PTPRG: variants seen among roughly 807,000 people sequenced by gnomAD.
PTPRG encodes the protein receptor-type tyrosine-protein phosphatase gamma.
In PTPRG, 102 loss-of-function variants were observed where a neutral mutation model predicts 165.3. The ratio of observed to expected loss-of-function variants is 0.62; its 90% CI spans 0.53 to 0.73. PTPRG has a LOEUF of 0.73. Among genes scored for constraint, PTPRG ranks in the 30% least tolerant of loss-of-function variants. The probability of loss-of-function intolerance (pLI) is 0.00; values close to 1 mark genes in which losing one functional copy is unlikely to be tolerated. For synonymous variants in PTPRG, 675 were observed against 669.5 expected, an observed-to-expected ratio of 1.01 and a Z score of -0.13; for missense variants, 1,866 against 1,861.4, an observed-to-expected ratio of 1.00 and a Z score of -0.05.
chr3:61,782,901 C>T (rs538895188), intron 2 of PTPRG, among the ~76,000 whole-genome samples: 1 of 152,128 alleles, frequency 6.6e-6, no homozygotes, highest in Non-Finnish European at 1.5e-5. Flanking sequence ...CTCCTGGGCT[C>T]AAGTGATCCT....
At chr3:61,837,488 C>T (rs1029052396) in intron 2 of PTPRG, among the ~76,000 whole-genome samples, 5 of 152,178 alleles carry the variant, frequency 3.3e-5, no homozygotes, top group South Asian at 2.1e-4. Flanking sequence ...GCTGAATGTT[C>T]GGCATGCAGG....
rs1278889928 is a variant in PTPRG, at chr3:62,089,535, A to G, written c.615+11277A>G. ...CCTGCCTTTTAACTTGCCATAGGTC[A>G]GAATCTCAATGTGATATAGTAAAAG... On this transcript the variant is annotated intron_variant, in intron 5 of 29. Coordinates refer to ENST00000474889, the MANE Select transcript of PTPRG (RefSeq NM_002841.4). 2.0e-5 allele frequency among the ~76,000 whole-genome samples: 3 copies of G among 152,252 alleles called. No homozygotes were observed. The East Asian group carries it at 5.8e-4, about 29-fold the overall frequency.
intron 2 of PTPRG, among the ~76,000 whole-genome samples, chr3:61,781,920 G>A (rs1244271524): frequency 6.9e-6 from 1 of 144,202 alleles, no homozygotes; most frequent in African/African-American, 2.6e-5. Context: ...TGGTAGAGAT[G>A]GGATACTACT....
At chr3:62,236,454 G>A (rs1576166172) in intron 14 of PTPRG, among the ~76,000 whole-genome samples, 1 of 152,308 alleles carries the variant, frequency 6.6e-6, no homozygotes, top group South Asian at 2.1e-4. Flanking sequence ...TACAAAAGTA[G>A]ATATTAATGC....
intron 1 of PTPRG, among the ~76,000 whole-genome samples, chr3:61,579,409 G>T (rs766902953): frequency 5.3e-5 from 8 of 152,166 alleles, no homozygotes; most frequent in African/African-American, 1.9e-4. Flanking sequence ...CTGCTATTCC[G>T]ACACGTGTTT....
At chr3:62,026,803 T>C (rs2041814138) in intron 4 of PTPRG, among the ~76,000 whole-genome samples, 1 of 146,716 alleles carries the variant, frequency 6.8e-6, no homozygotes. Context: ...GGAGAATCGC[T>C]TGAACCCGGG....
Position 61,674,906 on chromosome 3 carries a change from G to C in PTPRG, c.86-73972G>C, listed in dbSNP as rs116254718. On this transcript the variant is annotated intron_variant, in intron 1 of 29. Transcript: ENST00000474889. ...TTTCCTAGTGCATTTAAAAACAGCTGGGTGAAAGTCATTTTAAATCCCCAA... is the reference window on the plus strand; with the variant it reads ...TTTCCTAGTGCATTTAAAAACAGCTCGGTGAAAGTCATTTTAAATCCCCAA... Among the ~76,000 whole-genome samples, 1,361 of 152,254 alleles carry C rather than the reference G, an allele frequency of 8.9e-3. 20 individuals are homozygous for C. The highest frequency in any genetic ancestry group is 0.031 in the African/African-American group (1,294 of 41,532).
Position 61,621,051 on chromosome 3 carries a change from A to ATATGTGTG in PTPRG, c.85+58680_85+58681insATGTGTGT. Among the ~76,000 whole-genome samples, 777 of 117,974 alleles carry ATATGTGTG rather than the reference A, an allele frequency of 6.6e-3. 13 individuals are homozygous for ATATGTGTG. The highest frequency in any genetic ancestry group is 0.022 in the African/African-American group (731 of 33,502). The allele number at this position is 117,974 out of a possible 152,430, so 77.4% of individuals were successfully genotyped here. ...TGTGTGTGTATATATATATATATAT[A>ATATGTGTG]TGTGTGTGTGTGTGTGTGTGTGTGT... is the stretch of plus-strand genomic sequence containing the variant. On this transcript the variant is annotated intron_variant, in intron 1 of 29. Transcript: ENST00000474889.
intron 4 of PTPRG, among the ~76,000 whole-genome samples, chr3:62,051,285 G>A (rs949304352): frequency 3.3e-5 from 5 of 152,172 alleles, no homozygotes; most frequent in African/African-American, 4.8e-5. Context: ...TTCAAAGTCA[G>A]TTGCTATGAG....
At chr3:61,857,109 T>C (rs1391600359) in intron 2 of PTPRG, among the ~76,000 whole-genome samples, 1 of 152,050 alleles carries the variant, frequency 6.6e-6, no homozygotes, top group Non-Finnish European at 1.5e-5. Context: ...TTACCCCCTC[T>C]CTCAACATAG....
intron 1 of PTPRG, among the ~76,000 whole-genome samples, chr3:61,687,948 A>G (rs530001725): frequency 2.6e-5 from 4 of 152,322 alleles, no homozygotes; most frequent in South Asian, 4.1e-4. Flanking sequence ...AAGCTCAGAC[A>G]TGTTTCTAGA....
At chr3:61,930,227 T>C (rs1055896608) in intron 2 of PTPRG, among the ~76,000 whole-genome samples, 1 of 152,198 alleles carries the variant, frequency 6.6e-6, no homozygotes, top group Non-Finnish European at 1.5e-5. Flanking sequence ...CAGCTGTGTG[T>C]GTTTTTAGGA....
At position 62,011,265 on chromosome 3, in the gene PTPRG, TA is replaced by T. The variant is rs2041417244; in HGVS notation, c.519+7769del. Among the ~76,000 whole-genome samples, 3 of 152,338 alleles carry T rather than the reference TA, an allele frequency of 2.0e-5. No homozygotes were observed. In the South Asian group the frequency reaches 6.2e-4, roughly 32 times the overall value. The stretch of plus-strand genomic sequence containing the variant: ...GGCAAGCTCCCTGTGCAGGTTCCCT[TA>T]TCTGCACAAAGTATCTGGTGTAAAC... On this transcript the variant is annotated intron_variant, in intron 4 of 29. Transcript: ENST00000474889.
intron 10 of PTPRG, among the ~76,000 whole-genome samples, chr3:62,198,453 A>G (rs145986326): frequency 6.6e-6 from 1 of 152,310 alleles, no homozygotes; most frequent in East Asian, 1.9e-4. Flanking sequence ...GAAAATATTG[A>G]TGAGATATTC....
At chr3:61,759,355 G>A (rs1244782961) in intron 2 of PTPRG, among the ~76,000 whole-genome samples, 2 of 152,042 alleles carry the variant, frequency 1.3e-5, no homozygotes. Context: ...TGTCACTATA[G>A]TATATAATAA....
chr3:61,598,684 G>C (rs1348168960), intron 1 of PTPRG, among the ~76,000 whole-genome samples: 2 of 152,154 alleles, frequency 1.3e-5, no homozygotes, highest in Non-Finnish European at 2.9e-5. Context: ...CATTACAACA[G>C]TCTGGGTGGC....
In PTPRG at chr3:61,990,501, G is replaced by A. The variant is rs2040858436; in HGVS notation, c.370+697G>A. On this transcript the variant is annotated intron_variant, in intron 3 of 29. Transcript: ENST00000474889. ...ATCGTCTTTTTACCATTGCTAATGC[G>A]AAGAGCTGCCTCCCTCTCAATTACT... is the stretch of plus-strand genomic sequence containing the variant. Among the ~76,000 whole-genome samples, 3 of 152,100 alleles carry A rather than the reference G, an allele frequency of 2.0e-5. No homozygotes were observed. In the South Asian group the frequency reaches 6.2e-4, roughly 32 times the overall value.
chr3:62,092,441 A>G (rs1171428536), intron 5 of PTPRG, among the ~76,000 whole-genome samples: 2 of 38,654 alleles, frequency 5.2e-5, no homozygotes, highest in Non-Finnish European at 1.0e-4. Flanking sequence ...GTCCATCTGA[A>G]AAAAAAAAAA....
At chr3:62,049,124 A>AAAAC (rs1700389260) in intron 4 of PTPRG, among the ~76,000 whole-genome samples, 1 of 151,980 alleles carries the variant, frequency 6.6e-6, no homozygotes. Context: ...ACAAAACAAA[A>AAAAC]AAAAAAACAG....
Sources: gnomAD v4.1 joint callset for allele counts (sites outside exome capture counted in the v4.1 genomes callset) on GRCh38, gnomAD v4.1.1 for gene constraint, MANE v1.5 for transcripts, NCBI Gene and HGNC (gene_info 2026-07-23, HGNC 2026-07-21) for gene names.